PCTP: variants seen among roughly 807,000 people sequenced by gnomAD.
PCTP encodes the protein phosphatidylcholine transfer protein.
Under a neutral mutation model 31.0 loss-of-function variants are expected in PCTP, and 27 were observed. The ratio of observed to expected loss-of-function variants is 0.87; its 90% CI spans 0.64 to 1.20. The LOEUF is 1.20. PCTP is among the 50% of genes most tolerant of loss of function. The pLI, the probability that PCTP is intolerant of heterozygous loss-of-function variation, is 0.00. For synonymous variants in PCTP, 108 were observed against 101.2 expected, an observed-to-expected ratio of 1.07 and a Z score of -0.40; for missense variants, 287 against 268.2, an observed-to-expected ratio of 1.07 and a Z score of -0.49.
At position 55,773,716 on chromosome 17, in the gene PCTP, C is replaced by T; in HGVS notation, c.340-8C>T. On this transcript the variant is annotated splice_polypyrimidine_tract_variant and splice_region_variant and intron_variant, in intron 3 of 5. Coordinates refer to ENST00000268896, the MANE Select transcript of PCTP (RefSeq NM_021213.4). ...GGCGTTGGTGTCTTGCCTTAACTGG[C>T]TATGCAGTATGTCTACCTTCGGCAG... 6.2e-7 allele frequency: 1 copy of T among 1,603,916 alleles called. No homozygotes were observed. Among genetic ancestry groups the T allele is most frequent in the East Asian group, 2.2e-5 (1 of 44,554 alleles).
chr17:55,852,683 T>C, the PCTP span, among the ~76,000 whole-genome samples: 1 of 148,378 alleles, frequency 6.7e-6, no homozygotes, highest in Non-Finnish European at 1.5e-5. Flanking sequence ...GGAGTGAAAC[T>C]GTTGAATAAA....
At chr17:55,823,959 A>C (rs1259868476), downstream of PCTP, among the ~76,000 whole-genome samples, 3 of 152,158 alleles carry the variant, frequency 2.0e-5, no homozygotes, top group South Asian at 6.2e-4. Context: ...TCTAGACTTG[A>C]GACTTAATGG....
chr17:55,829,830 C>T (rs1047132231), intron 5 of PCTP, among the ~76,000 whole-genome samples: 13 of 152,076 alleles, frequency 8.5e-5, no homozygotes, highest in Admixed American at 3.3e-4. Context: ...AGGTATCAGA[C>T]AATGCATTCA....
intron 3 of PCTP, among the ~76,000 whole-genome samples, chr17:55,807,913 A>C (rs1912624920): frequency 1.3e-5 from 2 of 152,182 alleles, no homozygotes; most frequent in African/African-American, 4.8e-5. Flanking sequence ...TCATTATCTT[A>C]TTATAACCCT....
downstream of PCTP, chr17:55,823,195 A>G (rs1905291095): frequency 6.4e-6 from 1 of 156,808 alleles, no homozygotes; most frequent in South Asian, 2.1e-4. Flanking sequence ...AGAGCAGTAG[A>G]ATTTAAATTT....
intron 3 of PCTP, among the ~76,000 whole-genome samples, chr17:55,793,453 A>G (rs1386053706): frequency 1.3e-5 from 2 of 151,962 alleles, no homozygotes; most frequent in Non-Finnish European, 2.9e-5. Context: ...AATCTTCTCT[A>G]CCTTTTTTGC....
At chr17:55,751,508 T>A in intron 1 of PCTP, 1 of 1,507,778 alleles carries the variant, frequency 6.6e-7, no homozygotes, top group Non-Finnish European at 8.9e-7. Flanking sequence ...TAGTTAGAAG[T>A]TAATGACAGT....
intron 5 of PCTP, among the ~76,000 whole-genome samples, chr17:55,832,061 C>T (rs554266094): frequency 2.0e-5 from 3 of 152,176 alleles, no homozygotes; most frequent in South Asian, 2.1e-4. Flanking sequence ...GGCGACAGAA[C>T]GAGACTCCAT....
At chr17:55,813,402 G>T (rs1912816383) in intron 3 of PCTP, among the ~76,000 whole-genome samples, 1 of 152,110 alleles carries the variant, frequency 6.6e-6, no homozygotes, top group Non-Finnish European at 1.5e-5. Flanking sequence ...CTCCCGAGTA[G>T]TTGGGATTAC....
intron 5 of PCTP, among the ~76,000 whole-genome samples, chr17:55,831,500 A>G (rs1160683666): frequency 6.6e-6 from 1 of 152,154 alleles, no homozygotes; most frequent in African/African-American, 2.4e-5. Context: ...TTCCTTGCCA[A>G]TGAGGAGACA....
downstream of PCTP, among the ~76,000 whole-genome samples, chr17:55,778,158 C>T (rs891294554): frequency 1.3e-5 from 2 of 148,612 alleles, no homozygotes; most frequent in Non-Finnish European, 3.0e-5. Context: ...TCCTCACGAG[C>T]TGAGGTTATG....
intron 3 of PCTP, among the ~76,000 whole-genome samples, chr17:55,789,334 A>G (rs191007380): frequency 1.3e-5 from 2 of 152,348 alleles, no homozygotes; most frequent in East Asian, 3.9e-4. Flanking sequence ...CAAATATGGT[A>G]TCAGAAGATA....
downstream of PCTP, among the ~76,000 whole-genome samples, chr17:55,846,685 A>G (rs1906158299): frequency 6.6e-6 from 1 of 152,182 alleles, no homozygotes; most frequent in African/African-American, 2.4e-5. Context: ...AAGTCACTCT[A>G]ATTCTCAGAG....
intron 3 of PCTP, among the ~76,000 whole-genome samples, chr17:55,797,468 G>T (rs1912222926): frequency 6.6e-6 from 1 of 151,968 alleles, no homozygotes; most frequent in Non-Finnish European, 1.5e-5. Flanking sequence ...ATAAATGTCT[G>T]GTAAATACCA....
chr17:55,821,159 G>A (rs145060508), intron 3 of PCTP, among the ~76,000 whole-genome samples: 3 of 152,192 alleles, frequency 2.0e-5, no homozygotes, highest in Non-Finnish European at 4.4e-5. Flanking sequence ...TCCAATGACT[G>A]ATGATTGAAT....
chr17:55,788,219 A>G (rs1311532642), intron 3 of PCTP, among the ~76,000 whole-genome samples: 1 of 152,166 alleles, frequency 6.6e-6, no homozygotes, highest in Admixed American at 6.5e-5. Flanking sequence ...TACCATGCTA[A>G]CTTTAACCTC....
intron 5 of PCTP, among the ~76,000 whole-genome samples, chr17:55,828,989 A>G (rs1235803202): frequency 1.3e-5 from 2 of 152,158 alleles, no homozygotes; most frequent in African/African-American, 4.8e-5. Flanking sequence ...AGAAGGAGAA[A>G]GTGTCCCAGG....
rs1002509923 is a variant in PCTP, at chr17:55,836,922, G to T, written n.506-5805G>T. On this transcript the variant is annotated intron_variant and non_coding_transcript_variant, in intron 5 of 5. Coordinates refer to the PCTP transcript ENST00000576221. ...GTGCTGGGGGAATGTACATCAAGGG[G>T]ATCTAACCTAGTCGATGGTGGAGCA... 1.1e-4 allele frequency among the ~76,000 whole-genome samples: 16 copies of T among 152,196 alleles called. 1 individual carries two copies. Among genetic ancestry groups the T allele is most frequent in the African/African-American group, 3.9e-4 (16 of 41,448 alleles).
intron 3 of PCTP, among the ~76,000 whole-genome samples, chr17:55,792,945 C>T (rs563936156): frequency 6.6e-6 from 1 of 152,142 alleles, no homozygotes; most frequent in East Asian, 1.9e-4. Flanking sequence ...ATGAGTTCCC[C>T]AACAAATCAT....
Sources: allele counts gnomAD v4.1 joint callset (sites outside exome capture counted in the v4.1 genomes callset), GRCh38; gene constraint gnomAD v4.1.1; transcripts MANE v1.5; gene names NCBI Gene and HGNC (gene_info 2026-07-23, HGNC 2026-07-21).